ABHD2: variants seen among roughly 807,000 people sequenced by gnomAD.
The protein encoded by ABHD2 is abhydrolase domain containing 2, acylglycerol lipase, also known as monoacylglycerol lipase ABHD2.
Under a neutral mutation model 48.1 loss-of-function variants are expected in ABHD2, and 20 were observed. That is an observed-to-expected ratio of 0.42 (90% CI 0.29 to 0.60). The LOEUF (loss-of-function observed/expected upper bound fraction) is 0.60, where lower values mean the gene tolerates loss of function less well. ABHD2 is among the 20% of genes least tolerant of loss of function. The probability of loss-of-function intolerance (pLI) is 0.24; values close to 1 mark genes in which losing one functional copy is unlikely to be tolerated. For missense variants in ABHD2, 405 were observed against 550.9 expected (o/e 0.74, Z 2.65); for synonymous variants, 209 against 214.2 (o/e 0.98, Z 0.21).
At position 89,195,202 on chromosome 15, in the gene ABHD2, T is replaced by A. The variant is rs758979124; in HGVS notation, c.1082-25T>A. 1 of 1,604,772 alleles carries A rather than the reference T, an allele frequency of 6.2e-7. No individual in the cohort carries two copies. The highest frequency in any genetic ancestry group is 8.5e-7 in the Non-Finnish European group (1 of 1,174,600). On this transcript the variant is annotated intron_variant, in intron 10 of 10. Coordinates refer to ENST00000352732, the MANE Select transcript of ABHD2 (RefSeq NM_152924.5). The surrounding 1 kb of genome is among the most constrained non-coding windows in gnomAD (Gnocchi z 5.1). The stretch of plus-strand genomic sequence containing the variant: ...CTGGAGCAAACTAGAGAACAGTAAC[T>A]CACTCAGCTGCGTTTCCCCTGCAGA...
chr15:89,095,299 G>C (rs1184728259), intron 1 of ABHD2, among the ~76,000 whole-genome samples: 4 of 152,144 alleles, frequency 2.6e-5, no homozygotes, highest in African/African-American at 9.7e-5. Flanking sequence ...GGGAAATCAG[G>C]CCATTGATTT....
chr15:89,149,986 G>A (rs753407169), intron 3 of ABHD2, among the ~76,000 whole-genome samples: 16 of 152,088 alleles, frequency 1.1e-4, no homozygotes, highest in Non-Finnish European at 1.3e-4. Context: ...ATTTTGAGGA[G>A]GGGACCTGAC....
At position 89,173,375 on chromosome 15, in the gene ABHD2, C is replaced by T. The variant is rs910573432; in HGVS notation, c.539-2437C>T. Among the ~76,000 whole-genome samples, 74 of 152,246 alleles carry T rather than the reference C, an allele frequency of 4.9e-4. 1 individual carries two copies. Among genetic ancestry groups the T allele is most frequent in the African/African-American group, 1.6e-3 (68 of 41,540 alleles). ...ATCACCTGAGGTCAGGAGTTCAAGA[C>T]CAGACTGGCCAACAAGACAAAACCC... On this transcript the variant is annotated intron_variant, in intron 5 of 10. Coordinates refer to ENST00000352732, the MANE Select transcript of ABHD2 (RefSeq NM_152924.5). The surrounding 1 kb of genome is among the most constrained non-coding windows in gnomAD (Gnocchi z 6.5).
chr15:89,075,593 C>G, the ABHD2 span, among the ~76,000 whole-genome samples: 4 of 152,090 alleles, frequency 2.6e-5, no homozygotes, highest in Admixed American at 1.3e-4. The surrounding 1 kb of genome is among the most constrained non-coding windows in gnomAD (Gnocchi z 4.1). Context: ...TGAAGGGCCT[C>G]CTGTACCTCC....
At chr15:89,050,393 C>G in the ABHD2 span, among the ~76,000 whole-genome samples, 2 of 152,156 alleles carry the variant, frequency 1.3e-5, no homozygotes, top group Non-Finnish European at 2.9e-5. Flanking sequence ...GCCTAAGATT[C>G]CAGACCCAGA....
chr15:89,190,074 A>G (rs2051278592), intron 8 of ABHD2, among the ~76,000 whole-genome samples: 1 of 152,160 alleles, frequency 6.6e-6, no homozygotes, highest in African/African-American at 2.4e-5. Context: ...AGAGGGCCCT[A>G]CTAGTCCAGC....
At chr15:89,187,038 A>G (rs2051222363) in intron 7 of ABHD2, among the ~76,000 whole-genome samples, 1 of 152,202 alleles carries the variant, frequency 6.6e-6, no homozygotes, top group Admixed American at 6.5e-5. Context: ...TGTGCTGGGC[A>G]CTGAGGTGCG....
At position 89,197,280 on chromosome 15, in the gene ABHD2, GCACT is replaced by G. The variant is rs908446027; in HGVS notation, c.*1861_*1864del. 5 of 152,574 alleles carry G rather than the reference GCACT, an allele frequency of 3.3e-5. No homozygotes were observed. Among genetic ancestry groups the G allele is most frequent in the African/African-American group, 1.2e-4 (5 of 41,414 alleles). 9.5% of individuals were successfully genotyped at this position (152,574 alleles called of 1,614,324 possible). On this transcript the variant is annotated 3_prime_UTR_variant, in exon 11 of 11. Transcript: ENST00000352732. This position sits in a 1 kb window ranked among gnomAD's most constrained non-coding sequence, Gnocchi z 4.4. ...CAACTTCGCTTTGGTATAATTTCTG[GCACT>G]CACCAGCCTCTATCATTATGACTTT...
At chr15:89,071,079 C>A in the ABHD2 span, among the ~76,000 whole-genome samples, 1 of 152,024 alleles carries the variant, frequency 6.6e-6, no homozygotes, top group African/African-American at 2.4e-5. Context: ...GTAGGGAAGG[C>A]ACCAGGTTCA....
rs892781360 is a variant in ABHD2 at position 89,201,399 on chromosome 15, C to T, written c.*5976C>T. 17 of 1,213,856 alleles carry T rather than the reference C, an allele frequency of 1.4e-5. No individual in the cohort carries two copies. The highest frequency in any genetic ancestry group is 1.9e-5 in the Non-Finnish European group (16 of 827,264). The allele number at this position is 1,213,856 out of a possible 1,614,324, so 75.2% of individuals were successfully genotyped here. On this transcript the variant is annotated 3_prime_UTR_variant, in exon 11 of 11. Coordinates refer to ENST00000352732, the MANE Select transcript of ABHD2 (RefSeq NM_152924.5). Reference sequence around the variant, plus strand: ...GGGACAGCTTTGCTGGGTTCCATGTCATTCAATTTATCATTTTCATTGGGG... The same window carrying T: ...GGGACAGCTTTGCTGGGTTCCATGTTATTCAATTTATCATTTTCATTGGGG...
Position 89,151,645 on chromosome 15 carries a change from G to A in ABHD2, c.195-32G>A, listed in dbSNP as rs376793919. ...TTCAGAACGTTGCTCAAGGAATGTA[G>A]AGAAAATTGACCTCCCTTGTCCTTT... is the stretch of plus-strand genomic sequence containing the variant. On this transcript the variant is annotated intron_variant, in intron 3 of 10. Coordinates refer to ENST00000352732, the MANE Select transcript of ABHD2 (RefSeq NM_152924.5). The surrounding 1 kb of genome is among the most constrained non-coding windows in gnomAD (Gnocchi z 4.7). The A allele has an allele frequency of 1.9e-6, 3 of 1,581,240 alleles. No individual in the cohort carries two copies. The highest frequency in any genetic ancestry group is 2.6e-6 in the Non-Finnish European group (3 of 1,161,516).
intron 4 of ABHD2, among the ~76,000 whole-genome samples, chr15:89,152,918 A>G (rs776934608): frequency 5.3e-5 from 8 of 152,222 alleles, no homozygotes; most frequent in Admixed American, 3.9e-4. Flanking sequence ...TTTGCATTCT[A>G]TAGTATTCAA....
At chr15:89,095,063 C>CAAAAA (rs72090062) in intron 1 of ABHD2, among the ~76,000 whole-genome samples, 1 of 53,770 alleles carries the variant, frequency 1.9e-5, no homozygotes, top group Non-Finnish European at 4.2e-5. Flanking sequence ...GACTGTGTCT[C>CAAAAA]AAAAAAAAAA....
At chr15:89,049,697 C>G in the ABHD2 span, among the ~76,000 whole-genome samples, 2,720 of 152,348 alleles carry the variant, frequency 0.018, 76 homozygotes, top group African/African-American at 0.06. Flanking sequence ...AAATGGAACT[C>G]CCTGACCCCT....
At chr15:89,080,665 CAAAGAGATAAGGT>C in the ABHD2 span, among the ~76,000 whole-genome samples, 1 of 148,422 alleles carries the variant, frequency 6.7e-6, no homozygotes. Context: ...GACAGCTTAA[CAAAGAGATAAGGT>C]AAAGAGAAAA....
At chr15:89,051,905 G>A in the ABHD2 span, among the ~76,000 whole-genome samples, 1 of 152,166 alleles carries the variant, frequency 6.6e-6, no homozygotes, top group South Asian at 2.1e-4. Context: ...ATATAGGGGA[G>A]GTGGGAGGTG....
chr15:89,048,659 C>A, the ABHD2 span, among the ~76,000 whole-genome samples: 3 of 152,072 alleles, frequency 2.0e-5, no homozygotes, highest in Non-Finnish European at 4.4e-5. Flanking sequence ...CATCTTCCAT[C>A]ACTGATACCC....
chr15:89,123,001 G>C (rs972192625), intron 3 of ABHD2, among the ~76,000 whole-genome samples: 1 of 152,172 alleles, frequency 6.6e-6, no homozygotes, highest in Non-Finnish European at 1.5e-5. Flanking sequence ...ATGTATGTGG[G>C]TACTTTCTTC....
the ABHD2 span, among the ~76,000 whole-genome samples, chr15:89,051,401 A>G: frequency 6.6e-6 from 1 of 152,220 alleles, no homozygotes; most frequent in Non-Finnish European, 1.5e-5. Context: ...GAAGACTCTC[A>G]TGCACAGCTC....
Sources: allele counts gnomAD v4.1 joint callset (sites outside exome capture counted in the v4.1 genomes callset), GRCh38; gene constraint gnomAD v4.1.1; non-coding constraint Gnocchi (gnomAD v3.1); transcripts MANE v1.5; gene names NCBI Gene and HGNC (gene_info 2026-07-23, HGNC 2026-07-21).